The following GLB1 variants were observed in gnomAD, a reference collection of about 807,000 sequenced individuals.
The protein encoded by GLB1 is galactosidase beta 1.
Under a neutral mutation model 74.0 loss-of-function variants are expected in GLB1, and 56 were observed. The observed-to-expected ratio is 0.76, with a 90% CI of 0.61 to 0.94. GLB1 has a LOEUF of 0.94. Ranked by LOEUF, GLB1 falls within the 40% of genes least tolerant of loss-of-function variation. The pLI is 0.00. For synonymous variants in GLB1, 323 were observed against 323.6 expected (o/e 1.00, Z 0.02); for missense variants, 787 against 845.5 (o/e 0.93, Z 0.86).
At chr3:33,027,514 G>A (rs1352954868) in intron 10 of GLB1, among the ~76,000 whole-genome samples, 4 of 152,210 alleles carry the variant, frequency 2.6e-5, no homozygotes, top group Non-Finnish European at 5.9e-5. Context: ...AGTGACACCC[G>A]GCTCACGCCT....
At chr3:33,068,765 G>T (rs1699786848) in intron 3 of GLB1, 55 bp downstream of exon 3, 1 of 1,612,322 alleles carries the variant, frequency 6.2e-7, no homozygotes, top group East Asian at 2.2e-5. Context: ...TTGCCCCAGA[G>T]CTGCTGCCTG....
chr3:33,004,996 T>C (rs887935015), intron 15 of GLB1, among the ~76,000 whole-genome samples: 6 of 151,992 alleles, frequency 3.9e-5, no homozygotes, highest in Non-Finnish European at 7.4e-5. Context: ...GACTGCAACA[T>C]AGAAGCTGAC....
the GLB1 span, among the ~76,000 whole-genome samples, chr3:32,961,567 A>G: frequency 2.0e-5 from 3 of 152,158 alleles, no homozygotes; most frequent in Non-Finnish European, 4.4e-5. Flanking sequence ...AAAAGAAGAG[A>G]GCCATCGGGT....
intron 11 of GLB1, among the ~76,000 whole-genome samples, chr3:33,021,876 A>G (rs977050007): frequency 3.9e-5 from 6 of 152,198 alleles, no homozygotes; most frequent in Non-Finnish European, 8.8e-5. Context: ...TAGTCTTAAA[A>G]AGGTTTCAAA....
chr3:33,002,957 AG>A (rs1314675811), intron 15 of GLB1, among the ~76,000 whole-genome samples: 1 of 152,214 alleles, frequency 6.6e-6, no homozygotes, highest in Non-Finnish European at 1.5e-5. Flanking sequence ...AGAATTGAAA[AG>A]AAAAAAAGGT....
chr3:33,009,112 T>G (rs563122626), intron 15 of GLB1, among the ~76,000 whole-genome samples: 1 of 98,288 alleles, frequency 1.0e-5, no homozygotes, highest in East Asian at 4.8e-4. Flanking sequence ...AGAATGAAAC[T>G]CCATCTTAAA....
At chr3:33,077,234 GA>G in intron 1 of GLB1, 3 of 1,552,244 alleles carry the variant, frequency 1.9e-6, no homozygotes, top group Non-Finnish European at 2.6e-6. Flanking sequence ...GGAAGGAATC[GA>G]GACTGAGAAC....
chr3:33,051,548 T>A (rs1241051068), intron 9 of GLB1, among the ~76,000 whole-genome samples: 1 of 135,330 alleles, frequency 7.4e-6, no homozygotes, highest in Non-Finnish European at 1.5e-5. Flanking sequence ...GAGGCTGCAG[T>A]GAGTTGAGAT....
intron 12 of GLB1, among the ~76,000 whole-genome samples, chr3:33,020,059 A>G (rs1697403784): frequency 6.6e-6 from 1 of 152,210 alleles, no homozygotes; most frequent in Non-Finnish European, 1.5e-5. Flanking sequence ...CCCAGGCTAC[A>G]CGTGCTCTGG....
chr3:33,078,872 C>G (rs931637460), intron 1 of GLB1, among the ~76,000 whole-genome samples: 2 of 152,072 alleles, frequency 1.3e-5, no homozygotes, highest in African/African-American at 4.8e-5. Context: ...GATACAGGGT[C>G]TTGCTCCGTC....
At chr3:33,074,400 G>GAAAA (rs1352085633) in intron 1 of GLB1, among the ~76,000 whole-genome samples, 1 of 141,840 alleles carries the variant, frequency 7.1e-6, no homozygotes, top group African/African-American at 2.6e-5. Context: ...AAGAAAGAAA[G>GAAAA]AAAGAAAGAA....
At chr3:33,092,176 C>CA (rs1329802963) in intron 1 of GLB1, 3 of 985,670 alleles carry the variant, frequency 3.0e-6, no homozygotes, top group African/African-American at 3.5e-5. Flanking sequence ...ACCTTGCCCC[C>CA]AAAGGCCCAG....
In GLB1 at chr3:33,093,840, T is replaced by C. The variant is rs1280534814; in HGVS notation, c.75+3171A>G. 6 of 1,612,800 alleles carry C rather than the reference T, an allele frequency of 3.7e-6. No homozygotes were observed. The African/African-American group carries it at 4.0e-5, about 11-fold the overall frequency. Reference sequence around the variant, plus strand: ...GATGATGTAAGCACCCAGGCAGGAGTAGGCCGCCAAGGAAAAGAGATAGGG... The same window carrying C: ...GATGATGTAAGCACCCAGGCAGGAGCAGGCCGCCAAGGAAAAGAGATAGGG... On this transcript the variant is annotated intron_variant, in intron 1 of 15. Coordinates refer to ENST00000307363, the MANE Select transcript of GLB1 (RefSeq NM_000404.4). This position sits in a 1 kb window ranked among gnomAD's most constrained non-coding sequence, Gnocchi z 6.0.
In GLB1 at chr3:33,061,485, T is replaced by C. The variant is rs114206366; in HGVS notation, c.553-3216A>G. On this transcript the variant is annotated intron_variant, in intron 5 of 15. Transcript: ENST00000307363. ...CAGCCATAGAGGTCTCCATCTCAAC[T>C]ACTCAACTCTGCCACTATAGTACAA... is the stretch of plus-strand genomic sequence containing the variant. Among the ~76,000 whole-genome samples the C allele has an allele frequency of 3.0e-3, 464 of 152,316 alleles. 1 individual carries two copies. The highest frequency in any genetic ancestry group is 0.011 in the African/African-American group (440 of 41,572).
rs758074888 is a variant in GLB1, at chr3:33,053,563, G to A, written c.734-14C>T. Reference sequence around the variant, plus strand: ...TGATGTTGCTGCCTGAAAATTGTAAGAGGGAGAAGGTAGGTCAGTCGTGGA... The same window carrying A: ...TGATGTTGCTGCCTGAAAATTGTAAAAGGGAGAAGGTAGGTCAGTCGTGGA... On this transcript the variant is annotated splice_polypyrimidine_tract_variant and intron_variant, in intron 6 of 15. Coordinates refer to ENST00000307363, the MANE Select transcript of GLB1 (RefSeq NM_000404.4). The A allele has an allele frequency of 1.9e-6, 3 of 1,614,066 alleles. No individual in the cohort carries two copies. The highest frequency in any genetic ancestry group is 2.5e-6 in the Non-Finnish European group (3 of 1,180,020).
At chr3:33,040,965 GAGAA>G (rs1698473330) in intron 10 of GLB1, among the ~76,000 whole-genome samples, 1 of 152,150 alleles carries the variant, frequency 6.6e-6, no homozygotes, top group Non-Finnish European at 1.5e-5. Flanking sequence ...AGCTACTAAA[GAGAA>G]AGCAACAATT....
intron 15 of GLB1, among the ~76,000 whole-genome samples, chr3:33,003,754 G>C (rs959620985): frequency 7.2e-5 from 11 of 152,194 alleles, no homozygotes; most frequent in Admixed American, 1.3e-4. Flanking sequence ...ATCTGTCTGG[G>C]CATGGTGGCT....
At chr3:33,015,954 C>G (rs1697222431) in intron 14 of GLB1, among the ~76,000 whole-genome samples, 1 of 152,122 alleles carries the variant, frequency 6.6e-6, no homozygotes, top group East Asian at 1.9e-4. Context: ...CCTGGTGGGG[C>G]ATCTCGCGGA....
the GLB1 span, among the ~76,000 whole-genome samples, chr3:32,982,193 A>G: frequency 7.2e-5 from 11 of 151,896 alleles, no homozygotes; most frequent in Admixed American, 6.6e-4. Flanking sequence ...CATGCCTGTA[A>G]TCACAGCTCC....
Sources: gnomAD v4.1 joint callset for allele counts (sites outside exome capture counted in the v4.1 genomes callset) on GRCh38, gnomAD v4.1.1 for gene constraint, Gnocchi (gnomAD v3.1) non-coding constraint, MANE v1.5 for transcripts, NCBI Gene and HGNC (gene_info 2026-07-23, HGNC 2026-07-21) for gene names.